NCAM2: variants seen among roughly 807,000 people sequenced by gnomAD.
The protein encoded by NCAM2 is neural cell adhesion molecule 2, also known as N-CAM-2.
Under a neutral mutation model 98.1 loss-of-function variants are expected in NCAM2, and 30 were observed. The ratio of observed to expected loss-of-function variants is 0.31; its 90% CI spans 0.23 to 0.41. The LOEUF (loss-of-function observed/expected upper bound fraction) is 0.41. Ranked by LOEUF, NCAM2 falls within the 10% of genes least tolerant of loss-of-function variation. The pLI, the probability that NCAM2 is intolerant of heterozygous loss-of-function variation, is 1.00. For missense variants in NCAM2, 867 were observed against 1,005.8 expected (o/e 0.86, Z 1.87); for synonymous variants, 368 against 342.4 (o/e 1.07, Z -0.83).
chr21:21,141,433 T>C (rs994211964), intron 1 of NCAM2, among the ~76,000 whole-genome samples: 15 of 152,310 alleles, frequency 9.8e-5, no homozygotes, highest in South Asian at 2.1e-4. Flanking sequence ...GATATTTTTA[T>C]AAAAAATCCT....
chr21:21,410,958 G>C (rs985823928), intron 10 of NCAM2, among the ~76,000 whole-genome samples: 1 of 140,008 alleles, frequency 7.1e-6, no homozygotes, highest in African/African-American at 2.7e-5. Context: ...AGTGAGCCGA[G>C]ATCACGCCAC....
intron 1 of NCAM2, among the ~76,000 whole-genome samples, chr21:21,004,563 T>C (rs1224993793): frequency 6.6e-6 from 1 of 152,146 alleles, no homozygotes; most frequent in Non-Finnish European, 1.5e-5. Flanking sequence ...AAACAAATAA[T>C]ATAAATTTAA....
intron 1 of NCAM2, among the ~76,000 whole-genome samples, chr21:21,093,357 G>A (rs57614206): frequency 0.057 from 8,649 of 152,028 alleles, 688 homozygotes; most frequent in African/African-American, 0.18. Flanking sequence ...ATCCAAGAGC[G>A]AGCATGTGCA....
chr21:21,154,349 T>C (rs764066056), intron 1 of NCAM2, among the ~76,000 whole-genome samples: 18 of 151,992 alleles, frequency 1.2e-4, no homozygotes, highest in Non-Finnish European at 1.8e-4. Flanking sequence ...ACTATAAATA[T>C]GTTTTGGAAG....
At chr21:21,192,368 A>G (rs2068852390) in intron 1 of NCAM2, among the ~76,000 whole-genome samples, 1 of 152,222 alleles carries the variant, frequency 6.6e-6, no homozygotes, top group South Asian at 2.1e-4. Context: ...CTGTTTCAAA[A>G]GAAGGTGGTA....
At chr21:21,215,981 A>T (rs74562616) in intron 1 of NCAM2, among the ~76,000 whole-genome samples, 3,516 of 152,244 alleles carry the variant, frequency 0.023, 73 homozygotes, top group Admixed American at 0.04. Flanking sequence ...TTCTTTTATA[A>T]CTGAAATAGG....
rs79937317 is a variant in NCAM2 at position 21,495,456 on chromosome 21, G to A, written c.2078-13395G>A. Among the ~76,000 whole-genome samples the A allele has an allele frequency of 9.0e-3, 1,366 of 152,022 alleles. 25 individuals are homozygous for A. Among genetic ancestry groups the A allele is most frequent in the African/African-American group, 0.031 (1,300 of 41,510 alleles). Reference sequence around the variant, plus strand: ...AATAGCCATTACCATAGCCCAGGCCGCCTCTAGCTCTTTCCAAACCATTGT... The same window carrying A: ...AATAGCCATTACCATAGCCCAGGCCACCTCTAGCTCTTTCCAAACCATTGT... On this transcript the variant is annotated intron_variant, in intron 15 of 17. Transcript: ENST00000400546.
intron 1 of NCAM2, among the ~76,000 whole-genome samples, chr21:21,132,631 A>G (rs571012517): frequency 2.6e-5 from 4 of 152,316 alleles, no homozygotes; most frequent in Admixed American, 6.5e-5. Context: ...TAAATTCCAT[A>G]AGCCTTACTA....
In NCAM2 at chr21:21,024,763, T is replaced by A. The variant is rs368188962; in HGVS notation, c.55+26145T>A. 3.9e-5 allele frequency among the ~76,000 whole-genome samples: 6 copies of A among 152,086 alleles called. No individual in the cohort carries two copies. The East Asian group carries it at 7.9e-4, about 20-fold the overall frequency. On this transcript the variant is annotated intron_variant, in intron 1 of 17. Coordinates refer to ENST00000400546, the MANE Select transcript of NCAM2 (RefSeq NM_004540.5). Reference sequence around the variant, plus strand: ...TTAGCCAGGCATGGTGGCGCATGCCTGTAATCCCAGCTAGCTGGGAAGCTG... The same window carrying A: ...TTAGCCAGGCATGGTGGCGCATGCCAGTAATCCCAGCTAGCTGGGAAGCTG...
At chr21:21,312,847 C>T (rs1601943931) in intron 5 of NCAM2, among the ~76,000 whole-genome samples, 1 of 151,892 alleles carries the variant, frequency 6.6e-6, no homozygotes, top group East Asian at 1.9e-4. Flanking sequence ...TGAGTCTGAA[C>T]ATTTCCTTTC....
intron 9 of NCAM2, among the ~76,000 whole-genome samples, chr21:21,397,751 G>A (rs549620655): frequency 1.3e-5 from 2 of 152,340 alleles, no homozygotes; most frequent in South Asian, 4.1e-4. Context: ...GCTTCTTCCT[G>A]TTCCTGGCCC....
At chr21:21,075,860 T>A (rs2065669592) in intron 1 of NCAM2, among the ~76,000 whole-genome samples, 1 of 152,172 alleles carries the variant, frequency 6.6e-6, no homozygotes, top group Admixed American at 6.5e-5. Flanking sequence ...CTCACGCCTG[T>A]AATCCCAGCA....
intron 1 of NCAM2, among the ~76,000 whole-genome samples, chr21:21,157,005 C>T (rs1268087703): frequency 6.6e-6 from 1 of 152,010 alleles, no homozygotes; most frequent in African/African-American, 2.4e-5. Context: ...GTTTCTGCAC[C>T]CGCAGGTTTT....
chr21:21,490,075 A>G (rs1986721413), intron 15 of NCAM2, among the ~76,000 whole-genome samples: 1 of 152,054 alleles, frequency 6.6e-6, no homozygotes, highest in African/African-American at 2.4e-5. Flanking sequence ...TTTGTTGTCT[A>G]AAATTAAGAA....
At chr21:21,194,395 A>G (rs959845116) in intron 1 of NCAM2, among the ~76,000 whole-genome samples, 1 of 152,156 alleles carries the variant, frequency 6.6e-6, no homozygotes, top group African/African-American at 2.4e-5. Flanking sequence ...TTAGGACTTG[A>G]CCTAAACTTT....
At position 21,468,737 on chromosome 21, in the gene NCAM2, A is replaced by T; in HGVS notation, c.1850A>T (p.Asp617Val). The change falls in exon 14 of 18, where the codon GAC (aspartate) becomes GTC (valine). Residue 617 changes from aspartate (D) to valine (V), a missense_variant. Asp to Val is a radical substitution (Grantham distance 152). Around this residue, in one of 5 missense-constraint regions of NCAM2, gnomAD observed 234 missense variants for 333.8 expected, o/e 0.70. Transcript: ENST00000400546. ...TTTAAACTCAGCATCACCAAACAGG[A>T]CGATGGAGGGGCCCCTATTTTGGAA... Reference protein sequence around the residue: ...KSFKLSITKQDDGGAPILEYI... With the variant: ...KSFKLSITKQVDGGAPILEYI... 1 of 1,612,004 alleles carries T rather than the reference A, an allele frequency of 6.2e-7. No homozygotes were observed. Among genetic ancestry groups the T allele is most frequent in the Non-Finnish European group, 8.5e-7 (1 of 1,178,670 alleles).
At chr21:21,305,842 G>A (rs2073863339) in intron 5 of NCAM2, among the ~76,000 whole-genome samples, 4 of 151,960 alleles carry the variant, frequency 2.6e-5, no homozygotes, top group Non-Finnish European at 5.9e-5. Flanking sequence ...TGATAATACT[G>A]ATTTGAAATC....
intron 16 of NCAM2, among the ~76,000 whole-genome samples, chr21:21,532,304 G>T (rs1026674032): frequency 4.0e-5 from 6 of 151,796 alleles, no homozygotes; most frequent in Non-Finnish European, 5.9e-5. Flanking sequence ...ATTATATACA[G>T]TTAGTATATT....
chr21:21,155,020 A>G (rs1167947664), intron 1 of NCAM2, among the ~76,000 whole-genome samples: 2 of 151,744 alleles, frequency 1.3e-5, no homozygotes, highest in African/African-American at 2.4e-5. Context: ...AAGTGGCAAC[A>G]GTTTCATATT....
Sources: allele counts gnomAD v4.1 joint callset (sites outside exome capture counted in the v4.1 genomes callset), GRCh38; gene constraint gnomAD v4.1.1; regional missense constraint gnomAD v4.1.1; transcripts MANE v1.5; gene names NCBI Gene and HGNC (gene_info 2026-07-23, HGNC 2026-07-21).